The following PLD5 variants were observed in gnomAD, a reference collection of about 807,000 sequenced individuals.
PLD5 encodes the protein inactive phospholipase D5.
PLD5 carries 36 observed loss-of-function variants against 61.1 expected under a neutral mutation model. The ratio of observed to expected loss-of-function variants is 0.59; its 90% CI spans 0.45 to 0.78. PLD5 has a LOEUF of 0.78. PLD5 is among the 30% of genes least tolerant of loss of function. The probability of loss-of-function intolerance (pLI) is 0.00; values close to 1 mark genes in which losing one functional copy is unlikely to be tolerated. For synonymous variants in PLD5, 243 were observed against 242.8 expected, an observed-to-expected ratio of 1.00 and a Z score of -0.01; for missense variants, 515 against 644.4, an observed-to-expected ratio of 0.80 and a Z score of 2.17.
intron 1 of PLD5, among the ~76,000 whole-genome samples, chr1:242,417,951 G>A (rs2149295255): frequency 6.6e-6 from 1 of 152,304 alleles, no homozygotes; most frequent in South Asian, 2.1e-4. Context: ...CCAGCTAAGA[G>A]TGAGTGATGT....
intron 2 of PLD5, among the ~76,000 whole-genome samples, chr1:242,314,198 A>G (rs1676874805): frequency 6.6e-6 from 1 of 152,188 alleles, no homozygotes; most frequent in South Asian, 2.1e-4. Flanking sequence ...AGACGTGATG[A>G]TGGCTCAGAA....
rs191990475 is a variant in PLD5, at chr1:242,410,690, G to A, written c.190-62448C>T. Among the ~76,000 whole-genome samples, 65 of 152,048 alleles carry A rather than the reference G, an allele frequency of 4.3e-4. 1 individual carries two copies. The highest frequency in any genetic ancestry group is 1.7e-3 in the South Asian group (8 of 4,816). ...GAGGTATTTAGCTTAGGTATTTTGC[G>A]TTCCATTATTGGAACACTGAGCATG... On this transcript the variant is annotated intron_variant, in intron 1 of 9. Coordinates refer to ENST00000536534, the MANE Select transcript of PLD5 (RefSeq NM_001372062.1).
intron 5 of PLD5, among the ~76,000 whole-genome samples, chr1:242,185,613 CTGTT>C (rs543311686): frequency 8.6e-4 from 131 of 152,282 alleles, no homozygotes; most frequent in Middle Eastern, 3.4e-3. Flanking sequence ...ACAAGGGAAA[CTGTT>C]TATTTGTTAG....
chr1:242,386,724 G>A (rs905372560), intron 1 of PLD5, among the ~76,000 whole-genome samples: 2 of 151,990 alleles, frequency 1.3e-5, no homozygotes, highest in African/African-American at 2.4e-5. Context: ...ACTGTACTCT[G>A]GTTAGGGAAA....
intron 5 of PLD5, among the ~76,000 whole-genome samples, chr1:242,160,419 T>C (rs564138140): frequency 4.6e-5 from 7 of 152,274 alleles, no homozygotes; most frequent in Admixed American, 2.6e-4. Flanking sequence ...CAACCATCAC[T>C]GAGTTGTTCA....
intron 1 of PLD5, among the ~76,000 whole-genome samples, chr1:242,380,551 T>C (rs60511111): frequency 0.072 from 10,932 of 152,204 alleles, 489 homozygotes; most frequent in African/African-American, 0.11. Flanking sequence ...TAAACGCACA[T>C]ATCATGCATT....
intron 3 of PLD5, among the ~76,000 whole-genome samples, chr1:242,281,871 G>GCA (rs1356033311): frequency 6.6e-6 from 1 of 151,776 alleles, no homozygotes; most frequent in Non-Finnish European, 1.5e-5. Context: ...GTGTGTGCGC[G>GCA]CACACACACT....
chr1:242,252,921 G>T (rs566402290), intron 4 of PLD5, among the ~76,000 whole-genome samples: 4 of 146,436 alleles, frequency 2.7e-5, no homozygotes, highest in Admixed American at 7.0e-5. Context: ...AGTTCAAACA[G>T]TTCTCCTGCC....
At chr1:242,329,208 C>T (rs1324941295) in intron 2 of PLD5, among the ~76,000 whole-genome samples, 1 of 152,076 alleles carries the variant, frequency 6.6e-6, no homozygotes, top group Non-Finnish European at 1.5e-5. Flanking sequence ...ACGGGTTTCA[C>T]CATGTTGCGC....
chr1:242,342,456 G>A (rs551010871), intron 2 of PLD5, among the ~76,000 whole-genome samples: 32 of 152,348 alleles, frequency 2.1e-4, no homozygotes, highest in South Asian at 1.4e-3. Flanking sequence ...AAACTTCACC[G>A]TGTGTGGCTA....
chr1:242,217,046 A>T (rs965333362), intron 5 of PLD5, among the ~76,000 whole-genome samples: 6 of 152,228 alleles, frequency 3.9e-5, no homozygotes, highest in African/African-American at 1.4e-4. Context: ...CCTGCTGTTG[A>T]GACCTACTGC....
rs973909703 is a variant in PLD5, at chr1:242,256,832, T to G, written c.607+8505A>C. Among the ~76,000 whole-genome samples the G allele has an allele frequency of 1.3e-5, 2 of 151,886 alleles. No homozygotes were observed. Among genetic ancestry groups the G allele is most frequent in the Non-Finnish European group, 2.9e-5 (2 of 67,988 alleles). On this transcript the variant is annotated intron_variant, in intron 4 of 9. Coordinates refer to ENST00000536534, the MANE Select transcript of PLD5 (RefSeq NM_001372062.1). This position sits in a 1 kb window ranked among gnomAD's most constrained non-coding sequence, Gnocchi z 5.7. ...TCTTTCTATGTATCTGTCATCTATT[T>G]CTTTCTTTCTGTGTATCTGCCATCT...
chr1:242,160,082 G>T (rs902700737), intron 5 of PLD5, among the ~76,000 whole-genome samples: 15 of 151,940 alleles, frequency 9.9e-5, no homozygotes, highest in Non-Finnish European at 1.0e-4. Flanking sequence ...CACAGTCATG[G>T]TTCACTGCAG....
At chr1:242,415,821 A>C (rs943921488) in intron 1 of PLD5, among the ~76,000 whole-genome samples, 15 of 152,078 alleles carry the variant, frequency 9.9e-5, no homozygotes, top group Admixed American at 2.0e-4. Flanking sequence ...GATTTTTTTA[A>C]GTGGTTACCT....
intron 1 of PLD5, among the ~76,000 whole-genome samples, chr1:242,394,102 G>A (rs1388862082): frequency 3.7e-5 from 5 of 134,468 alleles, no homozygotes; most frequent in African/African-American, 1.3e-4. Flanking sequence ...GTATATATGT[G>A]TATATATATG....
rs556521462 is a variant in PLD5, at chr1:242,126,760, C to T, written c.736-2095G>A. On this transcript the variant is annotated intron_variant, in intron 5 of 9. Transcript: ENST00000536534. ...TAGACATTGGCTTAGGCAAGGATTT[C>T]ATGAACAAGTACCCAAAAGCAAATG... Among the ~76,000 whole-genome samples the T allele has an allele frequency of 1.3e-5, 2 of 152,234 alleles. 1 individual carries two copies. The highest frequency in any genetic ancestry group is 4.1e-4 in the South Asian group (2 of 4,822).
intron 1 of PLD5, among the ~76,000 whole-genome samples, chr1:242,428,755 T>C (rs1169752381): frequency 6.6e-6 from 1 of 152,006 alleles, no homozygotes; most frequent in Admixed American, 6.6e-5. Context: ...CAACCCTTAA[T>C]TGTACTGATT....
intron 5 of PLD5, among the ~76,000 whole-genome samples, chr1:242,141,481 T>A (rs917791429): frequency 6.6e-6 from 1 of 152,178 alleles, no homozygotes; most frequent in Non-Finnish European, 1.5e-5. Context: ...AAAGTCCGCG[T>A]CTTGTCTTTC....
intron 1 of PLD5, among the ~76,000 whole-genome samples, chr1:242,521,103 A>C (rs868329822): frequency 6.6e-6 from 1 of 152,238 alleles, no homozygotes; most frequent in South Asian, 2.1e-4. Context: ...AGTGGAATTC[A>C]AAGTCCAGAA....
Sources: allele counts gnomAD v4.1 joint callset (sites outside exome capture counted in the v4.1 genomes callset), GRCh38; gene constraint gnomAD v4.1.1; non-coding constraint Gnocchi (gnomAD v3.1); transcripts MANE v1.5; gene names NCBI Gene and HGNC (gene_info 2026-07-23, HGNC 2026-07-21).